STK32B: variants seen among roughly 807,000 people sequenced by gnomAD.
The protein encoded by STK32B is serine/threonine-protein kinase 32B.
In STK32B, 43 loss-of-function variants were observed where a neutral mutation model predicts 52.6. That is an observed-to-expected ratio of 0.82 (90% CI 0.64 to 1.05). The LOEUF (loss-of-function observed/expected upper bound fraction) is 1.05. Ranked by LOEUF, STK32B falls within the 50% of genes least tolerant of loss-of-function variation. The pLI is 0.00. For missense variants in STK32B, 621 were observed against 534.6 expected (o/e 1.16, Z -1.59); for synonymous variants, 238 against 204.3 (o/e 1.17, Z -1.41).
chr4:5,338,886 C>A (rs2108966507), intron 4 of STK32B, among the ~76,000 whole-genome samples: 1 of 152,242 alleles, frequency 6.6e-6, no homozygotes, highest in African/African-American at 2.4e-5. Flanking sequence ...AAAGGATGCC[C>A]AGAGTGCTGG....
intron 3 of STK32B, among the ~76,000 whole-genome samples, chr4:5,260,480 C>G (rs957169783): frequency 1.3e-5 from 2 of 152,148 alleles, no homozygotes; most frequent in Non-Finnish European, 2.9e-5. Flanking sequence ...CGCAAAGGAC[C>G]CAGCCTTTAA....
intron 3 of STK32B, among the ~76,000 whole-genome samples, chr4:5,316,014 AT>A (rs1730658100): frequency 6.8e-6 from 1 of 148,144 alleles, no homozygotes; most frequent in Non-Finnish European, 1.5e-5. Context: ...CGAGTATTTT[AT>A]TTTTTAAAGA....
the STK32B span, among the ~76,000 whole-genome samples, chr4:5,042,382 C>G: frequency 1.3e-5 from 2 of 152,168 alleles, no homozygotes; most frequent in Non-Finnish European, 2.9e-5. Flanking sequence ...AAACTTCATC[C>G]ATCTGTGAGC....
chr4:5,296,743 G>T (rs2108890485), intron 3 of STK32B, among the ~76,000 whole-genome samples: 1 of 152,246 alleles, frequency 6.6e-6, no homozygotes, highest in East Asian at 1.9e-4. Flanking sequence ...CCTTGTAATT[G>T]GGGCATTTAT....
intron 1 of STK32B, among the ~76,000 whole-genome samples, chr4:5,133,123 A>G (rs1025680123): frequency 1.3e-5 from 2 of 152,184 alleles, no homozygotes; most frequent in African/African-American, 4.8e-5. Context: ...CTGCCATTGA[A>G]TTGCAGATTT....
intron 1 of STK32B, among the ~76,000 whole-genome samples, chr4:5,100,407 T>C (rs1428396113): frequency 1.4e-5 from 2 of 142,570 alleles, no homozygotes; most frequent in Non-Finnish European, 3.0e-5. Flanking sequence ...CTTTCCTTCC[T>C]CCCTCCCTCC....
chr4:5,052,400 A>T (rs1338627934), intron 1 of STK32B, among the ~76,000 whole-genome samples: 1 of 151,918 alleles, frequency 6.6e-6, no homozygotes, highest in Non-Finnish European at 1.5e-5. Context: ...CTCCTCAATC[A>T]CCCAGGACAG....
chr4:5,038,279 T>C, the STK32B span, among the ~76,000 whole-genome samples: 16 of 152,338 alleles, frequency 1.1e-4, no homozygotes, highest in East Asian at 2.5e-3. Context: ...ATGACAATGA[T>C]GACCTTGGCC....
intron 3 of STK32B, chr4:5,204,189 G>A (rs1010069529): frequency 2.0e-5 from 3 of 152,114 alleles, no homozygotes; most frequent in Admixed American, 2.0e-4. Context: ...GCAGAATCGT[G>A]GGTAGAATTG....
At chr4:5,111,246 A>G (rs1714386458) in intron 1 of STK32B, among the ~76,000 whole-genome samples, 1 of 152,186 alleles carries the variant, frequency 6.6e-6, no homozygotes, top group South Asian at 2.1e-4. Flanking sequence ...ATTTGACTCA[A>G]CAACTCCACT....
chr4:5,299,703 G>A (rs565415891), intron 3 of STK32B, among the ~76,000 whole-genome samples: 14 of 152,172 alleles, frequency 9.2e-5, no homozygotes, highest in African/African-American at 2.4e-4. Context: ...GTAATGTGAC[G>A]TTTCTTGCTT....
At chr4:5,465,369 C>A (rs988167994) in intron 9 of STK32B, among the ~76,000 whole-genome samples, 1 of 152,014 alleles carries the variant, frequency 6.6e-6, no homozygotes, top group Admixed American at 6.6e-5. Flanking sequence ...CCAGGACTTT[C>A]CCCAGTTCTG....
At chr4:5,326,187 C>T (rs1180886121) in intron 3 of STK32B, among the ~76,000 whole-genome samples, 1 of 152,146 alleles carries the variant, frequency 6.6e-6, no homozygotes, top group Middle Eastern at 3.2e-3. Context: ...GAGTACAGAA[C>T]TCGCTGGTTA....
intron 3 of STK32B, among the ~76,000 whole-genome samples, chr4:5,282,774 A>T (rs547281943): frequency 6.6e-6 from 1 of 152,088 alleles, no homozygotes; most frequent in Non-Finnish European, 1.5e-5. Flanking sequence ...GGGCAAGGGG[A>T]TAATTGATGT....
intron 1 of STK32B, among the ~76,000 whole-genome samples, chr4:5,127,925 A>T (rs181888261): frequency 2.6e-5 from 4 of 152,174 alleles, no homozygotes; most frequent in Non-Finnish European, 5.9e-5. Context: ...GAGTTCCCCT[A>T]CACGAGCTCT....
chr4:5,109,513 G>A (rs531510523), intron 1 of STK32B, among the ~76,000 whole-genome samples: 14 of 152,256 alleles, frequency 9.2e-5, no homozygotes, highest in Non-Finnish European at 1.6e-4. Context: ...AGCAAGGACC[G>A]TGTGATCATC....
At position 5,058,423 on chromosome 4, in the gene STK32B, A is replaced by G. The variant is rs1742088957; in HGVS notation, c.52+6508A>G. Among the ~76,000 whole-genome samples the G allele has an allele frequency of 6.6e-6, 1 of 152,248 alleles. No individual in the cohort carries two copies. Among genetic ancestry groups the G allele is most frequent in the Non-Finnish European group, 1.5e-5 (1 of 68,044 alleles). On this transcript the variant is annotated intron_variant, in intron 1 of 11. Transcript: ENST00000282908. The surrounding 1 kb of genome is among the most constrained non-coding windows in gnomAD (Gnocchi z 4.8). ...TATATCACTCCATCTTGGAGCAACC[A>G]CAGTGATCTACATGGTGGAACTTAT... is the stretch of plus-strand genomic sequence containing the variant.
rs146203081 is a variant in STK32B at position 5,407,986 on chromosome 4, C to G, written c.473-8859C>G. ...CCTCACCCTTTCCACCATGTGAGAA[C>G]ACAGCAAGAAGTTGCCACCTCTGAA... is the stretch of plus-strand genomic sequence containing the variant. On this transcript the variant is annotated intron_variant, in intron 5 of 11. Transcript: ENST00000282908. 2.4e-3 allele frequency among the ~76,000 whole-genome samples: 358 copies of G among 152,262 alleles called. 3 individuals carry two copies. Among genetic ancestry groups the G allele is most frequent in the African/African-American group, 8.1e-3 (338 of 41,522 alleles).
At chr4:5,050,875 A>G (rs1161853946), upstream of STK32B, among the ~76,000 whole-genome samples, 6 of 152,086 alleles carry the variant, frequency 3.9e-5, no homozygotes, top group East Asian at 1.9e-4. Flanking sequence ...GATGCCGCCC[A>G]ATTTTGGGGG....
Sources: allele counts gnomAD v4.1 joint callset (sites outside exome capture counted in the v4.1 genomes callset), GRCh38; gene constraint gnomAD v4.1.1; non-coding constraint Gnocchi (gnomAD v3.1); transcripts MANE v1.5; gene names NCBI Gene and HGNC (gene_info 2026-07-23, HGNC 2026-07-21).